Variants in BRD10 observed in about 807,000 individuals in gnomAD.
The protein encoded by BRD10 is uncharacterized bromodomain-containing protein 10.
At chr9:5,905,662 C>T in the BRD10 span, among the ~76,000 whole-genome samples, 2 of 152,220 alleles carry the variant, frequency 1.3e-5, no homozygotes, top group Admixed American at 1.3e-4. Flanking sequence ...CAGCTGCTAA[C>T]TAAAGAATAC....
the BRD10 span, among the ~76,000 whole-genome samples, chr9:5,937,321 G>A: frequency 2.6e-5 from 4 of 151,866 alleles, no homozygotes; most frequent in East Asian, 7.8e-4. Flanking sequence ...TGGATCACCT[G>A]AGGTCAGGGG....
chr9:5,963,562 G>C, the BRD10 span, among the ~76,000 whole-genome samples: 3 of 151,028 alleles, frequency 2.0e-5, no homozygotes, highest in African/African-American at 7.3e-5. Flanking sequence ...CTACTTTAAA[G>C]TTCATATGGA....
At chr9:5,957,841 C>T in the BRD10 span, among the ~76,000 whole-genome samples, 1 of 151,998 alleles carries the variant, frequency 6.6e-6, no homozygotes, top group Non-Finnish European at 1.5e-5. Flanking sequence ...CAAAATCATG[C>T]CTTTATTTGG....
chr9:5,993,332 A>AAC, the BRD10 span, among the ~76,000 whole-genome samples: 3 of 120,362 alleles, frequency 2.5e-5, no homozygotes, highest in African/African-American at 8.3e-5. Flanking sequence ...AAAAAAAAAA[A>AAC]AAAACAACTA....
the BRD10 span, chr9:5,924,627 T>G: frequency 7.4e-7 from 1 of 1,354,912 alleles, no homozygotes; most frequent in Non-Finnish European, 9.8e-7. Flanking sequence ...GTGCCTTCAG[T>G]GTTGACTTAA....
the BRD10 span, among the ~76,000 whole-genome samples, chr9:5,965,056 T>A: frequency 2.8e-3 from 329 of 117,966 alleles, no homozygotes; most frequent in East Asian, 4.1e-3. Flanking sequence ...TAAAGTATAA[T>A]AAAAAAAAAA....
At chr9:5,976,677 A>G in the BRD10 span, among the ~76,000 whole-genome samples, 1 of 152,096 alleles carries the variant, frequency 6.6e-6, no homozygotes, top group Non-Finnish European at 1.5e-5. Context: ...TAAATGTGAC[A>G]CTTTGTTTTT....
chr9:5,917,233 A>C, the BRD10 span, among the ~76,000 whole-genome samples: 2 of 152,224 alleles, frequency 1.3e-5, no homozygotes, highest in Non-Finnish European at 2.9e-5. Flanking sequence ...TGACTGCACA[A>C]TATAATAATG....
At chr9:5,885,113 C>T in the BRD10 span, among the ~76,000 whole-genome samples, 112 of 152,308 alleles carry the variant, frequency 7.4e-4, no homozygotes, top group Non-Finnish European at 9.7e-4. Flanking sequence ...CGACCCCTGC[C>T]TAGCCATGCC....
chr9:5,952,174 C>G, the BRD10 span, among the ~76,000 whole-genome samples: 2 of 152,088 alleles, frequency 1.3e-5, no homozygotes, highest in South Asian at 2.1e-4. Context: ...GCACATGCCA[C>G]CACACCCGGC....
At chr9:5,961,116 C>G in the BRD10 span, among the ~76,000 whole-genome samples, 10 of 152,302 alleles carry the variant, frequency 6.6e-5, no homozygotes, top group African/African-American at 2.2e-4. Flanking sequence ...ATCAATCAAT[C>G]TGCTAAAGTG....
the BRD10 span, chr9:5,924,707 T>C: frequency 1.3e-6 from 2 of 1,597,914 alleles, no homozygotes; most frequent in Non-Finnish European, 1.7e-6. Flanking sequence ...CTGTTGAGTC[T>C]ATAGACTTAC....
the BRD10 span, among the ~76,000 whole-genome samples, chr9:5,939,934 T>TACAGAACTCTC: frequency 6.6e-6 from 1 of 151,988 alleles, no homozygotes; most frequent in Admixed American, 6.6e-5. Flanking sequence ...ACCACTGGCT[T>TACAGAACTCTC]ATACAGAACT....
chr9:5,904,321 T>C, the BRD10 span, among the ~76,000 whole-genome samples: 1 of 152,248 alleles, frequency 6.6e-6, no homozygotes, highest in Non-Finnish European at 1.5e-5. Context: ...TTGATATAGT[T>C]GGATTGATAT....
chr9:5,882,398 A>C, the BRD10 span, among the ~76,000 whole-genome samples: 3 of 152,210 alleles, frequency 2.0e-5, no homozygotes, highest in Admixed American at 6.5e-5. Flanking sequence ...CTAGCCAAAC[A>C]AGTGTGAAAG....
At chr9:5,979,188 T>G in the BRD10 span, among the ~76,000 whole-genome samples, 43 of 152,318 alleles carry the variant, frequency 2.8e-4, no homozygotes, top group African/African-American at 1.0e-3. Flanking sequence ...ACCAGCAAGT[T>G]TGTAAAAGTA....
the BRD10 span, chr9:5,906,928 G>A: frequency 6.3e-7 from 1 of 1,596,488 alleles, no homozygotes; most frequent in Non-Finnish European, 8.5e-7. Context: ...TTAACAAGAA[G>A]ATGCCCACAA....
chr9:5,950,531 C>G, the BRD10 span, among the ~76,000 whole-genome samples: 1 of 152,186 alleles, frequency 6.6e-6, no homozygotes, highest in Non-Finnish European at 1.5e-5. Context: ...TGTTTAACCA[C>G]TATGCAGATT....
chr9:5,989,537 T>C, the BRD10 span, among the ~76,000 whole-genome samples: 1 of 148,120 alleles, frequency 6.8e-6, no homozygotes, highest in Non-Finnish European at 1.5e-5. Context: ...CATTAAAATG[T>C]AAATTTTTTT....
Sources: allele counts gnomAD v4.1 joint callset (sites outside exome capture counted in the v4.1 genomes callset), GRCh38; gene constraint gnomAD v4.1.1; transcripts MANE v1.5; gene names NCBI Gene and HGNC (gene_info 2026-07-23, HGNC 2026-07-21).